Variants in CUBN observed in about 807,000 individuals in gnomAD.
CUBN encodes the protein cubilin, also known as 460 kDa receptor.
CUBN carries 282 observed loss-of-function variants against 405.3 expected under a neutral mutation model. That is an observed-to-expected ratio of 0.70 (90% CI 0.63 to 0.77). CUBN has a LOEUF of 0.77. Among genes scored for constraint, CUBN ranks in the 30% least tolerant of loss-of-function variants. CUBN has a pLI of 0.00. For synonymous variants in CUBN, 1,684 were observed against 1,617.0 expected, an observed-to-expected ratio of 1.04 and a Z score of -0.99; for missense variants, 4,514 against 4,475.2, an observed-to-expected ratio of 1.01 and a Z score of -0.25.
chr10:16,901,566 T>C, intron 51 of CUBN, 107 bp from the exon 52 acceptor site: 4 of 1,446,198 alleles, frequency 2.8e-6, no homozygotes, highest in Non-Finnish European at 3.8e-6. Flanking sequence ...ATTAAAAACA[T>C]AGTAAGGCCA....
At chr10:16,866,676 C>A (rs1487426402) in intron 59 of CUBN, among the ~76,000 whole-genome samples, 2 of 152,294 alleles carry the variant, frequency 1.3e-5, no homozygotes, top group South Asian at 2.1e-4. Flanking sequence ...CCAGTGTGAT[C>A]ATTTTGCTGG....
chr10:17,034,305 A>G (rs1266530028), intron 27 of CUBN, among the ~76,000 whole-genome samples: 1 of 152,248 alleles, frequency 6.6e-6, no homozygotes, highest in Non-Finnish European at 1.5e-5. Flanking sequence ...CATTTTTAAT[A>G]TAATGAGGTA....
At chr10:16,946,163 C>T (rs972208274) in intron 36 of CUBN, among the ~76,000 whole-genome samples, 2 of 152,186 alleles carry the variant, frequency 1.3e-5, no homozygotes, top group Non-Finnish European at 2.9e-5. Flanking sequence ...AAATAAATTT[C>T]AATTCAAAAC....
chr10:17,035,983 T>C (rs1834888917), intron 27 of CUBN, among the ~76,000 whole-genome samples: 1 of 151,812 alleles, frequency 6.6e-6, no homozygotes, highest in South Asian at 2.1e-4. Flanking sequence ...TGTACTACTA[T>C]CAGGGTAGTG....
At chr10:16,891,652 T>C (rs1841011309) in intron 54 of CUBN, among the ~76,000 whole-genome samples, 3 of 152,170 alleles carry the variant, frequency 2.0e-5, no homozygotes, top group Admixed American at 2.0e-4. Context: ...CATGGTTATC[T>C]ACAATGCTGA....
intron 66 of CUBN, among the ~76,000 whole-genome samples, chr10:16,825,398 C>T (rs554873957): frequency 6.6e-6 from 1 of 152,104 alleles, no homozygotes; most frequent in African/African-American, 2.4e-5. Context: ...TACGAAAAAC[C>T]ACTGAATTGT....
intron 65 of CUBN, among the ~76,000 whole-genome samples, chr10:16,829,649 G>C (rs1455389280): frequency 6.6e-6 from 1 of 152,186 alleles, no homozygotes. Context: ...AGGCTGTCAT[G>C]ATTTAGACTA....
chr10:16,848,518 G>A (rs972925262), intron 60 of CUBN, among the ~76,000 whole-genome samples: 2 of 151,956 alleles, frequency 1.3e-5, no homozygotes, highest in African/African-American at 2.4e-5. Flanking sequence ...AAAAATTGAC[G>A]AAATGATGAG....
intron 28 of CUBN, among the ~76,000 whole-genome samples, chr10:17,011,537 A>T (rs887102058): frequency 2.0e-5 from 3 of 152,092 alleles, no homozygotes; most frequent in Non-Finnish European, 4.4e-5. Flanking sequence ...AGTGAGCAGC[A>T]GCAAGATTTA....
chr10:16,907,465 G>A, intron 49 of CUBN, 43 bp downstream of exon 49: 1 of 1,602,412 alleles, frequency 6.2e-7, no homozygotes, highest in Non-Finnish European at 8.6e-7. Context: ...CATCTGCAGT[G>A]CCCCTGATTA....
chr10:16,950,127 G>A lies in CUBN; in HGVS notation c.4970-16C>T, dbSNP rs1455680826. Reference sequence around the variant, plus strand: ...ATATGATTTACTGGAAGAAAAAAGAGAAGACTCTCTCGTAAAGTACTGGCA... The same window carrying A: ...ATATGATTTACTGGAAGAAAAAAGAAAAGACTCTCTCGTAAAGTACTGGCA... On this transcript the variant is annotated splice_polypyrimidine_tract_variant and intron_variant, in intron 33 of 66. Coordinates refer to ENST00000377833, the MANE Select transcript of CUBN (RefSeq NM_001081.4). The A allele has an allele frequency of 7.6e-6, 12 of 1,585,162 alleles. No individual in the cohort carries two copies. Among genetic ancestry groups the A allele is most frequent in the Middle Eastern group, 1.7e-4 (1 of 5,996 alleles).
At chr10:16,988,598 T>C (rs958538564) in intron 29 of CUBN, among the ~76,000 whole-genome samples, 1 of 152,150 alleles carries the variant, frequency 6.6e-6, no homozygotes, top group Non-Finnish European at 1.5e-5. Context: ...ACTAAATTAC[T>C]AAAAGTGATG....
chr10:16,940,035 T>C lies in CUBN; in HGVS notation c.5545A>G (p.Lys1849Glu). ...CACTAAAATAGAAACAACTTACTCTTCATAAATGTGGCCTGGAAGCCCGTG... is the reference window on the plus strand; with the variant it reads ...CACTAAAATAGAAACAACTTACTCTCCATAAATGTGGCCTGGAAGCCCGTG... ...SGTGFQATFM[K>E]IFGNDNIVGT... The change falls in exon 37 of 67, where the codon AAG becomes GAG. Residue 1849 changes from lysine (K) to glutamate (E), a missense_variant. Lys to Glu is a moderately conservative substitution (Grantham distance 56, BLOSUM62 1). Around this residue, in one of 5 missense-constraint regions of CUBN, gnomAD observed 1,613 missense variants for 1,542.8 expected, o/e 1.05. Coordinates refer to ENST00000377833, the MANE Select transcript of CUBN (RefSeq NM_001081.4). 6.2e-7 allele frequency: 1 copy of C among 1,613,236 alleles called. No homozygotes were observed. The highest frequency in any genetic ancestry group is 8.5e-7 in the Non-Finnish European group (1 of 1,179,196).
intron 25 of CUBN, 128 bp downstream of exon 25, chr10:17,044,879 G>A (rs1343317014): frequency 1.0e-6 from 1 of 983,996 alleles, no homozygotes; most frequent in Non-Finnish European, 1.6e-6. Flanking sequence ...TTTTTATTTT[G>A]TTTGAATTTT....
chr10:17,123,193 C>CT (rs920723771), intron 5 of CUBN, among the ~76,000 whole-genome samples: 30 of 149,134 alleles, frequency 2.0e-4, no homozygotes, highest in East Asian at 3.9e-4. Context: ...ACTTACTTAA[C>CT]TTTTTTTTTT....
intron 22 of CUBN, among the ~76,000 whole-genome samples, chr10:17,053,807 C>T (rs1218340283): frequency 6.6e-6 from 1 of 152,034 alleles, no homozygotes; most frequent in Non-Finnish European, 1.5e-5. Context: ...CAGCATAGAC[C>T]ACATGCAGGG....
At chr10:17,076,503 C>T (rs1351749429) in intron 17 of CUBN, among the ~76,000 whole-genome samples, 5 of 145,728 alleles carry the variant, frequency 3.4e-5, no homozygotes, top group African/African-American at 7.6e-5. Flanking sequence ...AAAAAAAAAC[C>T]TCTTTCCTTT....
At chr10:17,061,092 C>A (rs1033989108) in intron 22 of CUBN, among the ~76,000 whole-genome samples, 4 of 151,058 alleles carry the variant, frequency 2.6e-5, no homozygotes, top group Non-Finnish European at 3.0e-5. Flanking sequence ...ACAAAAAAAA[C>A]CCAAAAACAA....
chr10:17,109,728 C>A lies in CUBN; in HGVS notation c.1023G>T (p.Gln341His). 6.2e-7 allele frequency: 1 copy of A among 1,613,452 alleles called. No individual in the cohort carries two copies. The highest frequency in any genetic ancestry group is 1.3e-5 in the African/African-American group (1 of 74,974). ...TGAGTGTGCACACTCTTCCGTCACC[C>A]TGGTACCCTGATGAGAACAAGAGCC... ...SHCQACPPGYQGDGRVCTLTD... is the reference protein window; with the variant it reads ...SHCQACPPGYHGDGRVCTLTD... The change falls in exon 10 of 67, where the codon CAG (glutamine) becomes CAT (histidine). Residue 341 changes from glutamine to histidine, a missense_variant. Physicochemically the swap from Gln to His is conservative, Grantham distance 24. Around this residue, in one of 5 missense-constraint regions of CUBN, gnomAD observed 1,448 missense variants for 1,388.0 expected, o/e 1.04. Transcript: ENST00000377833.
Sources: allele counts gnomAD v4.1 joint callset (sites outside exome capture counted in the v4.1 genomes callset), GRCh38; gene constraint gnomAD v4.1.1; regional missense constraint gnomAD v4.1.1; transcripts MANE v1.5; gene names NCBI Gene and HGNC (gene_info 2026-07-23, HGNC 2026-07-21).